Variants in PAX5 observed in about 807,000 individuals in gnomAD.
PAX5 encodes paired box protein Pax-5.
A neutral mutation model predicts 43.7 loss-of-function variants in PAX5; 9 were observed. The ratio of observed to expected loss-of-function variants is 0.21; its 90% CI spans 0.12 to 0.36. The LOEUF (loss-of-function observed/expected upper bound fraction) is 0.36, where lower values mean the gene tolerates loss of function less well. PAX5 is among the 10% of genes least tolerant of loss of function. The pLI, the probability that PAX5 is intolerant of heterozygous loss-of-function variation, is 1.00. For synonymous variants in PAX5, 228 were observed against 214.3 expected (o/e 1.06, Z -0.56); for missense variants, 383 against 532.7 (o/e 0.72, Z 2.77).
At chr9:36,860,421 A>G (rs73648141) in intron 8 of PAX5, among the ~76,000 whole-genome samples, 1,525 of 152,268 alleles carry the variant, frequency 0.01, 26 homozygotes, top group African/African-American at 0.035. Flanking sequence ...AGCTCGGAGT[A>G]AGCGGGGGGA....
At chr9:36,894,753 G>A (rs1390851447) in intron 7 of PAX5, among the ~76,000 whole-genome samples, 1 of 152,196 alleles carries the variant, frequency 6.6e-6, no homozygotes, top group Non-Finnish European at 1.5e-5. Context: ...TGCCTCCTGC[G>A]CTCCACAGCC....
chr9:36,928,596 G>A (rs1041937499), intron 6 of PAX5, among the ~76,000 whole-genome samples: 2 of 152,132 alleles, frequency 1.3e-5, no homozygotes, highest in African/African-American at 2.4e-5. Flanking sequence ...CATGTTATGA[G>A]CTACAACACT....
At chr9:36,863,206 T>A (rs1824398230) in intron 8 of PAX5, among the ~76,000 whole-genome samples, 5 of 152,208 alleles carry the variant, frequency 3.3e-5, no homozygotes, top group Admixed American at 3.3e-4. Context: ...TAAGGATAAG[T>A]CCAATGGATC....
At chr9:36,927,722 T>A (rs969084992) in intron 6 of PAX5, among the ~76,000 whole-genome samples, 3 of 151,312 alleles carry the variant, frequency 2.0e-5, no homozygotes, top group Admixed American at 2.0e-4. Flanking sequence ...CTTTTTTTTT[T>A]TTTTGAGACA....
At chr9:37,030,302 G>A (rs61729568) in intron 1 of PAX5, among the ~76,000 whole-genome samples, 2,621 of 152,290 alleles carry the variant, frequency 0.017, 76 homozygotes, top group African/African-American at 0.058. Flanking sequence ...AGGCGCGACC[G>A]GACCTCATAC....
chr9:37,032,165 C>A (rs1376034039), intron 1 of PAX5, among the ~76,000 whole-genome samples: 1 of 152,202 alleles, frequency 6.6e-6, no homozygotes, highest in East Asian at 1.9e-4. Flanking sequence ...TCACCCCACC[C>A]CAAGCCCCAC....
At chr9:36,929,516 C>T (rs913548998) in intron 6 of PAX5, among the ~76,000 whole-genome samples, 1 of 152,224 alleles carries the variant, frequency 6.6e-6, no homozygotes, top group African/African-American at 2.4e-5. Flanking sequence ...CTAAGAATCA[C>T]AGGCAACAGC....
intron 7 of PAX5, among the ~76,000 whole-genome samples, chr9:36,916,415 A>G (rs1189109846): frequency 1.3e-5 from 2 of 152,328 alleles, no homozygotes; most frequent in African/African-American, 4.8e-5. Context: ...TTTTCTAGCT[A>G]TCACTGAGTA....
Position 36,893,005 on chromosome 9 carries a change from G to A in PAX5, c.911-10900C>T, listed in dbSNP as rs114816741. ...TTGGGGAGAGGGATTACAGATGGGA[G>A]GGCTTAGGTTGGGAGTGGGAGATTT... is the stretch of plus-strand genomic sequence containing the variant. On this transcript the variant is annotated intron_variant, in intron 7 of 9. Transcript: ENST00000358127. 3.2e-3 allele frequency among the ~76,000 whole-genome samples: 492 copies of A among 152,322 alleles called. 6 individuals carry two copies. Among genetic ancestry groups the A allele is most frequent in the African/African-American group, 8.9e-3 (369 of 41,570 alleles).
At chr9:36,974,114 A>G (rs1243131450) in intron 5 of PAX5, among the ~76,000 whole-genome samples, 2 of 152,210 alleles carry the variant, frequency 1.3e-5, no homozygotes, top group Non-Finnish European at 2.9e-5. Flanking sequence ...CAGGAGTTCA[A>G]GGCTTCAGTG....
At chr9:36,993,117 A>G (rs551627053) in intron 5 of PAX5, among the ~76,000 whole-genome samples, 1 of 152,334 alleles carries the variant, frequency 6.6e-6, no homozygotes, top group African/African-American at 2.4e-5. Flanking sequence ...GATGTGTTCC[A>G]TCACAACGGA....
chr9:37,004,800 G>A (rs914677683), intron 4 of PAX5, among the ~76,000 whole-genome samples: 1 of 152,156 alleles, frequency 6.6e-6, no homozygotes, highest in East Asian at 1.9e-4. Flanking sequence ...CATGACATTC[G>A]TTTTGGTGTT....
chr9:36,860,048 T>C (rs181985094), intron 8 of PAX5, among the ~76,000 whole-genome samples: 1,432 of 128,656 alleles, frequency 0.011, 25 homozygotes, highest in African/African-American at 0.04. Context: ...AAAAAAAAAA[T>C]CATCTGGGGG....
At chr9:36,891,973 G>A (rs564230430) in intron 7 of PAX5, among the ~76,000 whole-genome samples, 1 of 152,280 alleles carries the variant, frequency 6.6e-6, no homozygotes, top group Non-Finnish European at 1.5e-5. Flanking sequence ...CCAATACTGT[G>A]TTTCAATTTT....
At chr9:36,933,704 C>T (rs1831315494) in intron 6 of PAX5, among the ~76,000 whole-genome samples, 1 of 152,204 alleles carries the variant, frequency 6.6e-6, no homozygotes, top group African/African-American at 2.4e-5. Context: ...AGGAGGAATG[C>T]CCTGCGTTCT....
Position 36,835,854 on chromosome 9 carries a change from GC to G in PAX5, c.*4705del, listed in dbSNP as rs1161361133. On this transcript the variant is annotated 3_prime_UTR_variant, in exon 10 of 10. Transcript: ENST00000358127. ...AGCCCTGTGGGATCCACCCATGCCTGCCTGGGCCTGGCCTGGCCGTGGGGCA... is the reference window on the plus strand; with the variant it reads ...AGCCCTGTGGGATCCACCCATGCCTGCTGGGCCTGGCCTGGCCGTGGGGCA... 1 of 233,332 alleles carries G rather than the reference GC, an allele frequency of 4.3e-6. No individual in the cohort carries two copies. The highest frequency in any genetic ancestry group is 8.5e-6 in the Non-Finnish European group (1 of 118,238). 14.5% of individuals were successfully genotyped at this position (233,332 alleles called of 1,614,324 possible).
At chr9:36,981,820 G>T (rs1034901612) in intron 5 of PAX5, among the ~76,000 whole-genome samples, 13 of 152,376 alleles carry the variant, frequency 8.5e-5, no homozygotes, top group Admixed American at 1.3e-4. Flanking sequence ...GTGCAATGGG[G>T]TCAATAAATC....
chr9:36,864,953 C>T (rs1370498104), intron 8 of PAX5, among the ~76,000 whole-genome samples: 6 of 152,214 alleles, frequency 3.9e-5, no homozygotes, highest in Non-Finnish European at 8.8e-5. Context: ...GGCTGGCAGG[C>T]GGGCTGGGGT....
intron 7 of PAX5, among the ~76,000 whole-genome samples, chr9:36,919,776 G>T (rs890315037): frequency 3.1e-4 from 45 of 146,612 alleles, no homozygotes; most frequent in Non-Finnish European, 5.3e-4. Context: ...GGAGGCAGAG[G>T]TTGCAGTGAG....
Sources: gnomAD v4.1 joint callset for allele counts (sites outside exome capture counted in the v4.1 genomes callset) on GRCh38, gnomAD v4.1.1 for gene constraint, MANE v1.5 for transcripts, NCBI Gene and HGNC (gene_info 2026-07-23, HGNC 2026-07-21) for gene names.